ABTB3: variants seen among roughly 807,000 people sequenced by gnomAD.
The protein encoded by ABTB3 is ankyrin repeat- and BTB/POZ domain-containing protein 3.
At chr12:107,544,107 G>A in the ABTB3 span, 1 of 1,614,034 alleles carries the variant, frequency 6.2e-7, no homozygotes, top group Non-Finnish European at 8.5e-7. Context: ...ACCCCAACGT[G>A]GAGCCTTCCA....
At chr12:107,469,302 G>C in the ABTB3 span, among the ~76,000 whole-genome samples, 46,754 of 152,032 alleles carry the variant, frequency 0.31, 7,670 homozygotes, top group African/African-American at 0.43. Context: ...TGAGCTTCCT[G>C]TAACCCTCAC....
chr12:107,455,232 G>A, the ABTB3 span, among the ~76,000 whole-genome samples: 1 of 152,192 alleles, frequency 6.6e-6, no homozygotes, highest in African/African-American at 2.4e-5. Context: ...CATTGGTGGG[G>A]ATAAATCTGC....
At chr12:107,580,956 C>G in the ABTB3 span, 1 of 1,551,500 alleles carries the variant, frequency 6.4e-7, no homozygotes, top group Admixed American at 2.0e-5. Context: ...CCGGGGTCAC[C>G]GGTGCGGTCC....
At chr12:107,474,967 GGC>G in the ABTB3 span, among the ~76,000 whole-genome samples, 1 of 152,198 alleles carries the variant, frequency 6.6e-6, no homozygotes, top group African/African-American at 2.4e-5. Context: ...ATCAAAAAGG[GGC>G]TGAGCTCTCC....
the ABTB3 span, among the ~76,000 whole-genome samples, chr12:107,601,933 G>A: frequency 6.6e-6 from 1 of 152,342 alleles, no homozygotes; most frequent in Admixed American, 6.5e-5. Context: ...GTTGCCTGGT[G>A]AGTGAGGGCA....
chr12:107,635,104 G>A, the ABTB3 span: 2 of 501,584 alleles, frequency 4.0e-6, no homozygotes, highest in Admixed American at 7.3e-5. Context: ...GGACAAAACA[G>A]AGCAAGTAAA....
the ABTB3 span, chr12:107,617,305 T>G: frequency 1.2e-6 from 2 of 1,613,912 alleles, no homozygotes; most frequent in African/African-American, 2.7e-5. Context: ...TTGCAGGAAA[T>G]TTTGAGCTGG....
At chr12:107,575,189 C>G in the ABTB3 span, among the ~76,000 whole-genome samples, 1 of 152,210 alleles carries the variant, frequency 6.6e-6, no homozygotes, top group Non-Finnish European at 1.5e-5. Flanking sequence ...CAGGGCCACA[C>G]AGTTTACAAA....
the ABTB3 span, among the ~76,000 whole-genome samples, chr12:107,525,324 CAAAAAA>C: frequency 6.6e-4 from 23 of 34,894 alleles, no homozygotes; most frequent in Admixed American, 2.3e-3. Context: ...AAGATCCTGT[CAAAAAA>C]AAAAAAAAAA....
At chr12:107,573,547 TAGAC>T in the ABTB3 span, among the ~76,000 whole-genome samples, 17 of 152,232 alleles carry the variant, frequency 1.1e-4, no homozygotes, top group Admixed American at 2.6e-4. Context: ...GATAGACAGA[TAGAC>T]AGATTGATCA....
At chr12:107,600,028 A>G in the ABTB3 span, among the ~76,000 whole-genome samples, 1 of 152,156 alleles carries the variant, frequency 6.6e-6, no homozygotes, top group Non-Finnish European at 1.5e-5. Context: ...GGACTTTGGA[A>G]TGAGACAGAT....
At chr12:107,573,512 A>G in the ABTB3 span, among the ~76,000 whole-genome samples, 15 of 129,608 alleles carry the variant, frequency 1.2e-4, no homozygotes, top group East Asian at 8.0e-4. Context: ...ATGGATGGAT[A>G]GATGGAACAG....
chr12:107,457,642 C>T, the ABTB3 span, among the ~76,000 whole-genome samples: 1 of 152,200 alleles, frequency 6.6e-6, no homozygotes, highest in Non-Finnish European at 1.5e-5. Context: ...CAGAGTCCTT[C>T]TGGGCAGACA....
chr12:107,394,235 A>G, the ABTB3 span, among the ~76,000 whole-genome samples: 1 of 79,534 alleles, frequency 1.3e-5, no homozygotes, highest in African/African-American at 3.8e-5. Flanking sequence ...ACAGAGGGGA[A>G]AAAAAGCCTT....
chr12:107,590,343 G>A, the ABTB3 span, among the ~76,000 whole-genome samples: 1 of 152,244 alleles, frequency 6.6e-6, no homozygotes, highest in East Asian at 1.9e-4. Flanking sequence ...GCAAACAGGT[G>A]CTGTTGAAGC....
the ABTB3 span, among the ~76,000 whole-genome samples, chr12:107,492,378 CT>C: frequency 6.6e-6 from 1 of 152,174 alleles, no homozygotes; most frequent in Non-Finnish European, 1.5e-5. Flanking sequence ...GGCACTGTTC[CT>C]CTCTCCATCT....
At chr12:107,586,726 A>G in the ABTB3 span, among the ~76,000 whole-genome samples, 1 of 152,216 alleles carries the variant, frequency 6.6e-6, no homozygotes, top group African/African-American at 2.4e-5. Flanking sequence ...TCAAGGAGCC[A>G]GGCTAGTACC....
At chr12:107,382,904 T>A in the ABTB3 span, among the ~76,000 whole-genome samples, 1 of 152,176 alleles carries the variant, frequency 6.6e-6, no homozygotes, top group African/African-American at 2.4e-5. Flanking sequence ...GAACTTAAAG[T>A]ATAATAATAA....
At chr12:107,446,346 T>C in the ABTB3 span, among the ~76,000 whole-genome samples, 1 of 152,026 alleles carries the variant, frequency 6.6e-6, no homozygotes, top group Non-Finnish European at 1.5e-5. Flanking sequence ...GAATGGCATG[T>C]TTATTTGTGG....
Sources: gnomAD v4.1 joint callset for allele counts (sites outside exome capture counted in the v4.1 genomes callset) on GRCh38, gnomAD v4.1.1 for gene constraint, MANE v1.5 for transcripts, NCBI Gene and HGNC (gene_info 2026-07-23, HGNC 2026-07-21) for gene names.